Variants in HTT observed in about 807,000 individuals in gnomAD.
HTT encodes huntingtin.
Under a neutral mutation model 362.3 loss-of-function variants are expected in HTT, and 104 were observed. That is an observed-to-expected ratio of 0.29 (90% confidence interval 0.24 to 0.34). The LOEUF (loss-of-function observed/expected upper bound fraction) is 0.34. Ranked by LOEUF, HTT falls within the 10% of genes least tolerant of loss-of-function variation. The pLI, the probability that HTT is intolerant of heterozygous loss-of-function variation, is 1.00. For synonymous variants in HTT, 1,577 were observed against 1,548.7 expected (o/e 1.02, Z -0.43); for missense variants, 3,301 against 3,928.6 (o/e 0.84, Z 4.27).
At chr4:3,124,346 T>C (rs1715425496) in intron 10 of HTT, among the ~76,000 whole-genome samples, 2 of 152,246 alleles carry the variant, frequency 1.3e-5, no homozygotes, top group African/African-American at 4.8e-5. Flanking sequence ...ATATCCTGTC[T>C]CTTTTAAGCC....
At position 3,177,358 on chromosome 4, in the gene HTT, G is replaced by A. The variant is rs750154915; in HGVS notation, c.4434G>A (p.Gln1478=). The A allele has an allele frequency of 6.2e-6, 10 of 1,601,066 alleles. No individual in the cohort carries two copies. The East Asian group carries it at 2.2e-4, about 36-fold the overall frequency. The change falls in exon 34 of 67, where the codon CAG becomes CAA. Residue 1478 remains glutamine (Q), a synonymous_variant. Transcript: ENST00000355072. The part of the protein sequence containing the change: ...DQVFIGFVLK[Q]FEYIEVGQFR... Reference sequence around the variant, plus strand: ...TGTTTATTGGCTTTGTATTGAAACAGTTTGAATACATTGAAGTGGGCCAGT... The same window carrying A: ...TGTTTATTGGCTTTGTATTGAAACAATTTGAATACATTGAAGTGGGCCAGT...
intron 41 of HTT, chr4:3,202,964 C>T (rs1719657874): frequency 6.6e-6 from 1 of 152,260 alleles, no homozygotes; most frequent in Non-Finnish European, 1.5e-5. Context: ...ATGATCGTGC[C>T]ACTGTGCTCC....
intron 60 of HTT, among the ~76,000 whole-genome samples, chr4:3,232,603 C>A (rs936724157): frequency 2.0e-5 from 3 of 152,248 alleles, no homozygotes; most frequent in Non-Finnish European, 4.4e-5. Flanking sequence ...TAGAAAGACT[C>A]TCAGCTAAGA....
intron 51 of HTT, among the ~76,000 whole-genome samples, chr4:3,216,188 C>T (rs1392757816): frequency 6.6e-6 from 1 of 152,188 alleles, no homozygotes; most frequent in Non-Finnish European, 1.5e-5. Context: ...TCTTCTGGTT[C>T]CCGGTTCAAG....
intron 3 of HTT, among the ~76,000 whole-genome samples, chr4:3,101,750 C>T (rs900854867): frequency 3.9e-5 from 6 of 152,198 alleles, no homozygotes; most frequent in Non-Finnish European, 8.8e-5. Context: ...GGCGGTGAAG[C>T]ACGTGTGTCC....
chr4:3,178,880 C>T (rs369852450), intron 35 of HTT, among the ~76,000 whole-genome samples: 1 of 152,174 alleles, frequency 6.6e-6, no homozygotes, highest in South Asian at 2.1e-4. Flanking sequence ...GGGTTCAGGG[C>T]TTTCTGTTTT....
chr4:3,129,775 C>A, intron 12 of HTT, 149 bp from the exon 13 acceptor site: 1 of 864,608 alleles, frequency 1.2e-6, no homozygotes, highest in Non-Finnish European at 1.9e-6. Flanking sequence ...TCCATGCGTG[C>A]ATTTCTGTGC....
intron 1 of HTT, among the ~76,000 whole-genome samples, chr4:3,079,443 G>C (rs902818959): frequency 6.6e-6 from 1 of 152,086 alleles, no homozygotes; most frequent in Non-Finnish European, 1.5e-5. Context: ...TTTGAGTAAA[G>C]ACCTCAAGCG....
rs111570798 is a variant in HTT, at chr4:3,227,903, G to A, written c.7849-712G>A. Among the ~76,000 whole-genome samples, 235 of 152,336 alleles carry A rather than the reference G, an allele frequency of 1.5e-3. 1 individual carries two copies. The highest frequency in any genetic ancestry group is 5.5e-3 in the African/African-American group (227 of 41,582). The stretch of plus-strand genomic sequence containing the variant: ...CTACTTGCTTTTGGGAAAGAGGGGT[G>A]GGGGTTAGGGGTCTGGGCGAGGGGA... On this transcript the variant is annotated intron_variant, in intron 57 of 66. Transcript: ENST00000355072.
chr4:3,125,716 T>C lies in HTT; in HGVS notation c.1402+87T>C. On this transcript the variant is annotated intron_variant, in intron 11 of 66. Transcript: ENST00000355072. The stretch of plus-strand genomic sequence containing the variant: ...TTCCTGCTCGTCCCCCTGCACCTGG[T>C]GGACAGCACGACTGGGGGCAGCAGT... The C allele has an allele frequency of 3.2e-6, 3 of 949,414 alleles. No homozygotes were observed. The South Asian group carries it at 4.0e-5, about 13-fold the overall frequency. The allele number at this position is 949,414 out of a possible 1,614,324, so 58.8% of individuals were successfully genotyped here.
rs536865536 is a variant in HTT, at chr4:3,075,270, C to T, written c.263+182C>T. Among the ~76,000 whole-genome samples, 3 of 152,354 alleles carry T rather than the reference C, an allele frequency of 2.0e-5. No homozygotes were observed. The South Asian group carries it at 6.2e-4, about 32-fold the overall frequency. ...CCTCCTGGGGCGAGGCCTTCCCCCA[C>T]TTCAGCCCCGCTCCCTCACTTGGGT... On this transcript the variant is annotated intron_variant, in intron 1 of 66. Coordinates refer to ENST00000355072, the MANE Select transcript of HTT (RefSeq NM_001388492.1).
intron 1 of HTT, among the ~76,000 whole-genome samples, chr4:3,079,999 T>C (rs1339786365): frequency 6.6e-6 from 1 of 152,240 alleles, no homozygotes; most frequent in Non-Finnish European, 1.5e-5. Flanking sequence ...CAGAAAATCC[T>C]GCTGCAATAG....
chr4:3,213,008 T>G, intron 49 of HTT: 1 of 330,766 alleles, frequency 3.0e-6, no homozygotes, highest in Non-Finnish European at 5.7e-6. Flanking sequence ...AAGTACTTTA[T>G]GTCTTAAGTT....
At position 3,218,030 on chromosome 4, in the gene HTT, G is replaced by A; in HGVS notation, c.7242+78G>A. The A allele has an allele frequency of 3.9e-6, 5 of 1,265,972 alleles. No individual in the cohort carries two copies. The highest frequency in any genetic ancestry group is 1.1e-6 in the Non-Finnish European group (1 of 922,872). 78.4% of individuals were successfully genotyped at this position (1,265,972 alleles called of 1,614,324 possible). A position where few individuals can be genotyped will look rare whatever the true frequency, so the allele number is the denominator to read the frequency against. On this transcript the variant is annotated intron_variant, in intron 52 of 66. Transcript: ENST00000355072. This position sits in a 1 kb window ranked among gnomAD's most constrained non-coding sequence, Gnocchi z 4.4. ...GGCCCTGGGCTGGGCACACGTGAGA[G>A]GGCGGGACAGAATCCCCGCAGCCCA...
chr4:3,239,928 A>C lies in HTT; in HGVS notation c.9298A>C (p.Arg3100=). The C allele has an allele frequency of 6.3e-7, 1 of 1,580,522 alleles. No individual in the cohort carries two copies. Among genetic ancestry groups the C allele is most frequent in the East Asian group, 2.3e-5 (1 of 43,854 alleles). ...LFCLVATDFY[R]HQIEEELDRR... is the part of the protein sequence containing the mutation. ...CTGCCTGGTCGCCACAGACTTCTAC[A>C]GACACCAGATAGAGGAGGAGCTCGA... Residue 3100 remains arginine (R), a synonymous_variant, in exon 67 of 67, where the codon AGA becomes CGA. Transcript: ENST00000355072.
intron 24 of HTT, among the ~76,000 whole-genome samples, chr4:3,145,430 C>T (rs966737793): frequency 4.6e-5 from 7 of 152,130 alleles, no homozygotes; most frequent in Non-Finnish European, 8.8e-5. Context: ...GCCAAATGTT[C>T]TTAGGCATTG....
At chr4:3,195,968 G>A (rs930532577) in intron 40 of HTT, among the ~76,000 whole-genome samples, 36 of 152,174 alleles carry the variant, frequency 2.4e-4, no homozygotes, top group African/African-American at 8.7e-4. Context: ...ACTGAGAGAC[G>A]TCGTCCTGCT....
intron 26 of HTT, among the ~76,000 whole-genome samples, chr4:3,150,556 C>A (rs1716824867): frequency 6.6e-6 from 1 of 152,146 alleles, no homozygotes; most frequent in African/African-American, 2.4e-5. Flanking sequence ...CTGCCCCTGC[C>A]CCATTTACCC....
At position 3,199,773 on chromosome 4, in the gene HTT, C is replaced by G; in HGVS notation, c.5410C>G (p.Arg1804Gly). The change falls in exon 41 of 67, where the codon CGC becomes GGC. Residue 1804 changes from arginine to glycine, a missense_variant. Arg to Gly is a moderately radical substitution (Grantham distance 125). Transcript: ENST00000355072. ...RITAAATRLF[R>G]SDGCGGSFYT... ...CACAGCAGCTGCCACTAGGCTGTTC[C>G]GCAGTGATGGCTGTGGCGGCAGTTT... is the stretch of plus-strand genomic sequence containing the variant. 1 of 1,614,178 alleles carries G rather than the reference C, an allele frequency of 6.2e-7. No homozygotes were observed. The highest frequency in any genetic ancestry group is 8.5e-7 in the Non-Finnish European group (1 of 1,180,046).
Sources: gnomAD v4.1 joint callset for allele counts (sites outside exome capture counted in the v4.1 genomes callset) on GRCh38, gnomAD v4.1.1 for gene constraint, Gnocchi (gnomAD v3.1) non-coding constraint, MANE v1.5 for transcripts, NCBI Gene and HGNC (gene_info 2026-07-23, HGNC 2026-07-21) for gene names.